Variants in GGH observed in about 807,000 individuals in gnomAD.
The protein encoded by GGH is gamma-Glu-X carboxypeptidase.
GGH carries 18 observed loss-of-function variants against 39.2 expected under a neutral mutation model. The ratio of observed to expected loss-of-function variants is 0.46; its 90% CI spans 0.32 to 0.68. GGH has a LOEUF of 0.68. GGH is among the 30% of genes least tolerant of loss of function. GGH has a pLI of 0.04. For synonymous variants in GGH, 147 were observed against 138.8 expected (o/e 1.06, Z -0.42); for missense variants, 367 against 384.1 (o/e 0.96, Z 0.37).
At chr8:63,024,342 CAA>C (rs796793356) in intron 5 of GGH, 156 bp from the exon 6 acceptor site, 2 of 535,050 alleles carry the variant, frequency 3.7e-6, no homozygotes, top group South Asian at 5.9e-5. Flanking sequence ...GTATTCCAAT[CAA>C]GTCACAAAAT....
At chr8:63,016,653 T>C (rs941639871) in intron 8 of GGH, among the ~76,000 whole-genome samples, 16 of 152,248 alleles carry the variant, frequency 1.1e-4, no homozygotes, top group African/African-American at 3.6e-4. Flanking sequence ...AACAATGTTA[T>C]AATGAAACGA....
At chr8:63,026,960 G>T in intron 4 of GGH, 1 of 533,436 alleles carries the variant, frequency 1.9e-6, no homozygotes, top group Non-Finnish European at 3.3e-6. Context: ...ATCAAGAGAG[G>T]GGCAGTCAGC....
At chr8:63,026,446 T>C in intron 4 of GGH, 150 bp from the exon 5 acceptor site, 2 of 644,428 alleles carry the variant, frequency 3.1e-6, no homozygotes, top group Non-Finnish European at 5.3e-6. Flanking sequence ...TATCACTTAA[T>C]CTCTCTTCAG....
chr8:63,036,965 G>A (rs1804921061), intron 1 of GGH, among the ~76,000 whole-genome samples: 1 of 152,108 alleles, frequency 6.6e-6, no homozygotes. Context: ...TTTTACCAGT[G>A]AAACCCAGCC....
rs767556657 is a variant in GGH, at chr8:63,038,804, T to TGCGG, written c.-37_-36insCCGC. ...GCCTCCCGCCGCCTTTCAAAAGCTC[T>TGCGG]GCGGGCGGGCGGGGGCTGCGGCAGG... On this transcript the variant is annotated 5_prime_UTR_variant, in exon 1 of 9. Coordinates refer to ENST00000260118, the MANE Select transcript of GGH (RefSeq NM_003878.3). 6.0e-6 allele frequency: 8 copies of TGCGG among 1,337,616 alleles called. No homozygotes were observed. Among genetic ancestry groups the TGCGG allele is most frequent in the East Asian group, 2.7e-5 (1 of 37,152 alleles). The allele number at this position is 1,337,616 out of a possible 1,614,324, so 82.9% of individuals were successfully genotyped here.
chr8:63,038,552 G>A (rs1242714226), intron 1 of GGH, 108 bp downstream of exon 1: 8 of 541,704 alleles, frequency 1.5e-5, no homozygotes, highest in African/African-American at 1.2e-4. Context: ...AAGCACATCT[G>A]GGGGTTTTTC....
At chr8:63,026,321 C>T in intron 4 of GGH, 25 bp from the exon 5 acceptor site, 1 of 1,577,128 alleles carries the variant, frequency 6.3e-7, no homozygotes, top group Non-Finnish European at 8.6e-7. Flanking sequence ...AAAGAGAAAA[C>T]TAAGTTTATT....
intron 7 of GGH, among the ~76,000 whole-genome samples, chr8:63,020,677 G>A (rs1185451914): frequency 6.6e-6 from 1 of 152,200 alleles, no homozygotes; most frequent in African/African-American, 2.4e-5. Flanking sequence ...ATGAGAAGCA[G>A]TGCAGAGGCA....
At chr8:63,024,053 A>C in intron 6 of GGH, 27 bp downstream of exon 6, 1 of 1,548,848 alleles carries the variant, frequency 6.5e-7, no homozygotes, top group Non-Finnish European at 8.9e-7. Flanking sequence ...TAAACATATT[A>C]ATTTCATTGT....
chr8:63,017,734 T>C, intron 7 of GGH, 104 bp from the exon 8 acceptor site: 9 of 653,756 alleles, frequency 1.4e-5, no homozygotes, highest in Non-Finnish European at 2.3e-5. Context: ...ATTCACCTTA[T>C]CAGACAAGGT....
intron 4 of GGH, 80 bp downstream of exon 4, chr8:63,027,101 C>T (rs1213511947): frequency 4.7e-5 from 37 of 780,306 alleles, no homozygotes; most frequent in Non-Finnish European, 7.7e-5. Context: ...GGGAGCATTA[C>T]CATCTGCTTA....
intron 5 of GGH, chr8:63,024,996 G>A (rs1804658466): frequency 6.6e-6 from 1 of 152,192 alleles, no homozygotes; most frequent in Non-Finnish European, 1.5e-5. Context: ...TTTTAAGTAT[G>A]ACTGCTACCT....
chr8:63,015,557 TATC>T (rs1223315492), intron 8 of GGH, 104 bp from the exon 9 acceptor site: 3 of 631,790 alleles, frequency 4.7e-6, no homozygotes, highest in African/African-American at 2.0e-5. Flanking sequence ...AGTGGGAAAA[TATC>T]AACAAGAAGA....
intron 5 of GGH, 87 bp downstream of exon 5, chr8:63,026,070 TA>T: frequency 9.3e-7 from 1 of 1,073,284 alleles, no homozygotes; most frequent in Non-Finnish European, 1.3e-6. Context: ...AAAAAGAAAA[TA>T]AAAATAAGCA....
intron 5 of GGH, among the ~76,000 whole-genome samples, chr8:63,025,773 C>T (rs186758794): frequency 6.6e-6 from 1 of 151,728 alleles, no homozygotes; most frequent in Non-Finnish European, 1.5e-5. Flanking sequence ...ACAAAAAAAA[C>T]CCCTAAGCGT....
At chr8:63,027,296 T>C (rs372364012) in intron 3 of GGH, 31 bp from the exon 4 acceptor site, 2 of 1,237,610 alleles carry the variant, frequency 1.6e-6, no homozygotes, top group Non-Finnish European at 2.4e-6. Context: ...TCAAATAGGG[T>C]GTATTTTGCC....
At chr8:63,034,842 T>C (rs1351063281) in intron 2 of GGH, among the ~76,000 whole-genome samples, 1 of 152,232 alleles carries the variant, frequency 6.6e-6, no homozygotes, top group Non-Finnish European at 1.5e-5. Flanking sequence ...TATCCTAATA[T>C]TATAGAACAA....
intron 2 of GGH, 48 bp from the exon 3 acceptor site, chr8:63,030,265 A>C: frequency 1.1e-6 from 1 of 908,528 alleles, no homozygotes; most frequent in Non-Finnish European, 1.8e-6. Context: ...TTAGAAGTAA[A>C]CCTCTAAATG....
chr8:63,016,795 A>G (rs1013515973), intron 8 of GGH, among the ~76,000 whole-genome samples: 1 of 152,210 alleles, frequency 6.6e-6, no homozygotes. Flanking sequence ...TCCCACAAAC[A>G]TAACACAGCA....
Sources: gnomAD v4.1 joint callset for allele counts (sites outside exome capture counted in the v4.1 genomes callset) on GRCh38, gnomAD v4.1.1 for gene constraint, MANE v1.5 for transcripts, NCBI Gene and HGNC (gene_info 2026-07-23, HGNC 2026-07-21) for gene names.